PDE7B: variants seen among roughly 807,000 people sequenced by gnomAD.
The protein encoded by PDE7B is 3',5'-cyclic-AMP phosphodiesterase 7B.
In PDE7B, 29 loss-of-function variants were observed where a neutral mutation model predicts 56.2. The observed-to-expected ratio is 0.52, with a 90% CI of 0.38 to 0.70. PDE7B has a LOEUF of 0.70. Among genes scored for constraint, PDE7B ranks in the 30% least tolerant of loss-of-function variants. PDE7B has a pLI of 0.00. For missense variants in PDE7B, 490 were observed against 565.0 expected (o/e 0.87, Z 1.35); for synonymous variants, 197 against 196.9 (o/e 1.00, Z 0.00).
intron 2 of PDE7B, among the ~76,000 whole-genome samples, chr6:135,960,790 C>A (rs1302647228): frequency 2.0e-5 from 3 of 152,156 alleles, no homozygotes; most frequent in African/African-American, 7.2e-5. Flanking sequence ...TATCACCATT[C>A]CCTAATTTTG....
intron 2 of PDE7B, among the ~76,000 whole-genome samples, chr6:135,995,228 A>G (rs1345548281): frequency 7.0e-6 from 1 of 142,908 alleles, no homozygotes; most frequent in Non-Finnish European, 1.5e-5. Flanking sequence ...CTCCATACAT[A>G]TGTACCACCG....
intron 2 of PDE7B, among the ~76,000 whole-genome samples, chr6:136,091,927 T>C (rs1338199746): frequency 6.6e-6 from 1 of 152,240 alleles, no homozygotes; most frequent in Non-Finnish European, 1.5e-5. Flanking sequence ...TAGAAGACAT[T>C]ATATACTACA....
chr6:136,073,360 A>G (rs901140228), intron 2 of PDE7B, among the ~76,000 whole-genome samples: 2 of 152,204 alleles, frequency 1.3e-5, no homozygotes, highest in Admixed American at 1.3e-4. Context: ...GAGTCATAAA[A>G]TTACGGGCAT....
At chr6:135,871,232 T>C (rs1583721965) in intron 1 of PDE7B, among the ~76,000 whole-genome samples, 1 of 152,218 alleles carries the variant, frequency 6.6e-6, no homozygotes, top group African/African-American at 2.4e-5. Context: ...TTACTTTACA[T>C]GAAGAGATGG....
At chr6:136,026,020 C>T (rs1304333519) in intron 2 of PDE7B, among the ~76,000 whole-genome samples, 1 of 152,162 alleles carries the variant, frequency 6.6e-6, no homozygotes, top group African/African-American at 2.4e-5. Context: ...TCTGTGAGCT[C>T]CATTCACCAA....
intron 1 of PDE7B, among the ~76,000 whole-genome samples, chr6:135,899,911 G>A (rs530165650): frequency 6.6e-6 from 1 of 152,036 alleles, no homozygotes; most frequent in Non-Finnish European, 1.5e-5. Flanking sequence ...ATCCTTTAAT[G>A]TCAAAATTCT....
intron 2 of PDE7B, chr6:136,038,516 C>G: frequency 7.8e-7 from 1 of 1,280,416 alleles, no homozygotes; most frequent in South Asian, 1.3e-5. Context: ...AGATGCTCTC[C>G]GCAGCTTTCC....
chr6:135,918,335 G>T (rs1773996887), intron 1 of PDE7B, among the ~76,000 whole-genome samples: 3 of 152,078 alleles, frequency 2.0e-5, no homozygotes, highest in Non-Finnish European at 1.5e-5. Context: ...CAAACATTTT[G>T]TTCAGTTTTG....
intron 3 of PDE7B, among the ~76,000 whole-genome samples, chr6:136,118,055 A>G (rs1777869535): frequency 6.6e-6 from 1 of 152,184 alleles, no homozygotes; most frequent in Non-Finnish European, 1.5e-5. Flanking sequence ...GTGAGGAGTA[A>G]ATGAGATAAA....
intron 2 of PDE7B, among the ~76,000 whole-genome samples, chr6:135,990,556 C>T (rs542733738): frequency 3.2e-4 from 49 of 152,262 alleles, no homozygotes; most frequent in African/African-American, 8.2e-4. Flanking sequence ...ACAACCTGGG[C>T]GGCAGCATCC....
chr6:136,184,860 T>C (rs1779119831), intron 11 of PDE7B, among the ~76,000 whole-genome samples: 1 of 152,056 alleles, frequency 6.6e-6, no homozygotes, highest in Admixed American at 6.6e-5. Flanking sequence ...CAAAAAAAGT[T>C]CTTCTAAGAG....
intron 2 of PDE7B, among the ~76,000 whole-genome samples, chr6:136,104,482 C>A (rs1777615508): frequency 6.6e-6 from 1 of 152,192 alleles, no homozygotes; most frequent in Non-Finnish European, 1.5e-5. Flanking sequence ...CAGAAAACAG[C>A]CCAGTAGCCT....
chr6:135,994,114 ATCTGTGTGTG>A (rs1737443124), intron 2 of PDE7B, among the ~76,000 whole-genome samples: 1 of 100,990 alleles, frequency 9.9e-6, no homozygotes, highest in Non-Finnish European at 1.9e-5. Flanking sequence ...CTTGTATTGG[ATCTGTGTGTG>A]TGTGTGTGTG....
chr6:136,011,976 C>G (rs372513883), intron 2 of PDE7B, among the ~76,000 whole-genome samples: 10 of 152,128 alleles, frequency 6.6e-5, no homozygotes, highest in Non-Finnish European at 1.3e-4. Flanking sequence ...GTCTTTCTCA[C>G]GAGGTAGAAG....
rs138446864 is a variant in PDE7B, at chr6:136,060,528, A to G, written c.83-48203A>G. Among the ~76,000 whole-genome samples the G allele has an allele frequency of 4.9e-3, 747 of 152,342 alleles. 3 individuals carry two copies. The highest frequency in any genetic ancestry group is 0.017 in the African/African-American group (700 of 41,572). ...AATCTAAATTGTGGTAATATAAACA[A>G]TAGTTATTATAATAACTTTCATGAG... is the stretch of plus-strand genomic sequence containing the variant. On this transcript the variant is annotated intron_variant, in intron 2 of 12. Transcript: ENST00000308191.
intron 6 of PDE7B, 99 bp downstream of exon 6, chr6:136,151,354 T>C (rs1778510634): frequency 3.1e-6 from 2 of 645,588 alleles, no homozygotes; most frequent in East Asian, 5.4e-5. Flanking sequence ...GGATGATAGA[T>C]GCATACCTCC....
rs188422600 is a variant in PDE7B, at chr6:136,125,786, T to A, written c.166+16972T>A. 2.0e-4 allele frequency among the ~76,000 whole-genome samples: 30 copies of A among 152,190 alleles called. No homozygotes were observed. In the East Asian group the frequency reaches 4.1e-3, roughly 21 times the overall value. ...AAATACTCCATTCTTCTTGTAAAGG[T>A]GTTCCCAGGCTTCAGACAGGAACCC... On this transcript the variant is annotated intron_variant, in intron 3 of 12. Transcript: ENST00000308191.
At chr6:136,013,234 A>G (rs1775922787) in intron 2 of PDE7B, among the ~76,000 whole-genome samples, 1 of 152,256 alleles carries the variant, frequency 6.6e-6, no homozygotes, top group Non-Finnish European at 1.5e-5. Context: ...ATTTTACTAA[A>G]TAAGTTATGC....
At chr6:136,138,487 GTTATTAATGTTAGTTTAAATAAAC>G (rs1778254825) in intron 3 of PDE7B, among the ~76,000 whole-genome samples, 1 of 151,992 alleles carries the variant, frequency 6.6e-6, no homozygotes, top group African/African-American at 2.4e-5. Context: ...CACTCGATAA[GTTATTAATGTTAGTTTAAATAAAC>G]TTATTTTTTC....
Sources: gnomAD v4.1 joint callset for allele counts (sites outside exome capture counted in the v4.1 genomes callset) on GRCh38, gnomAD v4.1.1 for gene constraint, MANE v1.5 for transcripts, NCBI Gene and HGNC (gene_info 2026-07-23, HGNC 2026-07-21) for gene names.